The following KRAS variants were observed in gnomAD, a reference collection of about 807,000 sequenced individuals.
KRAS encodes the protein KRas proto-oncogene, GTPase, also known as GTPase KRas.
A neutral mutation model predicts 21.0 loss-of-function variants in KRAS; 1 was observed. That is an observed-to-expected ratio of 0.05 (90% CI 0.02 to 0.23). The LOEUF (loss-of-function observed/expected upper bound fraction) is 0.23. Among genes scored for constraint, KRAS ranks in the 10% least tolerant of loss-of-function variants. The probability of loss-of-function intolerance (pLI) is 1.00; values close to 1 mark genes in which losing one functional copy is unlikely to be tolerated. For synonymous variants in KRAS, 67 were observed against 72.5 expected, an observed-to-expected ratio of 0.92 and a Z score of 0.39; for missense variants, 107 against 221.8, an observed-to-expected ratio of 0.48 and a Z score of 3.29.
At chr12:25,249,123 A>T (rs1951728217) in intron 1 of KRAS, among the ~76,000 whole-genome samples, 1 of 152,040 alleles carries the variant, frequency 6.6e-6, no homozygotes, top group South Asian at 2.1e-4. Flanking sequence ...AAGAAGGCTT[A>T]GACTTCAGCT....
At chr12:25,236,029 A>T (rs985216602) in intron 2 of KRAS, among the ~76,000 whole-genome samples, 2 of 152,084 alleles carry the variant, frequency 1.3e-5, no homozygotes, top group Non-Finnish European at 2.9e-5. Context: ...CCGGCTGTGC[A>T]GCCCAGTTCC....
intron 2 of KRAS, chr12:25,234,391 C>A (rs1005921728): frequency 1.1e-5 from 2 of 181,398 alleles, no homozygotes; most frequent in Admixed American, 6.3e-5. Context: ...TTGGTACACA[C>A]ATGAGGTTCA....
At chr12:25,246,073 T>C (rs1032128307) in intron 1 of KRAS, among the ~76,000 whole-genome samples, 4 of 137,650 alleles carry the variant, frequency 2.9e-5, no homozygotes, top group African/African-American at 8.4e-5. Flanking sequence ...CTGGGGAAAA[T>C]AGGAGTCCGA....
chr12:25,231,480 AAAG>A (rs1326605715), intron 2 of KRAS, among the ~76,000 whole-genome samples: 1 of 152,178 alleles, frequency 6.6e-6, no homozygotes, highest in Non-Finnish European at 1.5e-5. Context: ...CATTTCAGAT[AAAG>A]AATAGTCAAC....
chr12:25,232,201 T>C (rs1469207017), intron 2 of KRAS, among the ~76,000 whole-genome samples: 2 of 152,172 alleles, frequency 1.3e-5, no homozygotes, highest in African/African-American at 4.8e-5. Context: ...TTTCAAAAAA[T>C]TTAGAGTCTA....
Position 25,209,245 on chromosome 12 carries a change from G to A in KRAS, c.*550C>T, listed in dbSNP as rs566222739. On this transcript the variant is annotated 3_prime_UTR_variant, in exon 5 of 5. Coordinates refer to ENST00000311936, the MANE Select transcript of KRAS (RefSeq NM_004985.5). ...TGACCATGACTAATAGCAGTGGAAAGGAGACAAAACCTTTGTGAACAGTGT... is the reference window on the plus strand; with the variant it reads ...TGACCATGACTAATAGCAGTGGAAAAGAGACAAAACCTTTGTGAACAGTGT... 377 of 683,426 alleles carry A rather than the reference G, an allele frequency of 5.5e-4. 4 individuals carry two copies. The South Asian group carries it at 5.7e-3, about 10-fold the overall frequency. The allele number at this position is 683,426 out of a possible 1,614,324, so 42.3% of individuals were successfully genotyped here. A position where few individuals can be genotyped will look rare whatever the true frequency, so the allele number is the denominator to read the frequency against.
intron 2 of KRAS, among the ~76,000 whole-genome samples, chr12:25,233,302 A>G (rs942823808): frequency 9.2e-5 from 14 of 152,102 alleles, no homozygotes; most frequent in Admixed American, 6.6e-5. Context: ...TATAATCCCA[A>G]CACCTTGGGA....
In KRAS at chr12:25,216,395, CT is replaced by C. The variant is rs565424934; in HGVS notation, c.451-6485del. On this transcript the variant is annotated intron_variant, in intron 4 of 4. Transcript: ENST00000311936. ...GGCTAGGTGATCCCCCTGCCTCAGC[CT>C]CTCAAATAGCTGGGACTACAGGCAA... 5.9e-5 allele frequency among the ~76,000 whole-genome samples: 9 copies of C among 152,312 alleles called. No individual in the cohort carries two copies. The South Asian group carries it at 1.9e-3, about 32-fold the overall frequency.
intron 4 of KRAS, among the ~76,000 whole-genome samples, chr12:25,223,035 C>A (rs933541015): frequency 2.0e-5 from 3 of 152,074 alleles, no homozygotes; most frequent in African/African-American, 2.4e-5. Context: ...CCTAAACCTT[C>A]TGAATTAGAA....
chr12:25,227,859 A>C (rs1951412629), intron 2 of KRAS, among the ~76,000 whole-genome samples: 1 of 152,162 alleles, frequency 6.6e-6, no homozygotes, highest in African/African-American at 2.4e-5. Flanking sequence ...ATATAACCAA[A>C]ATAACTAAAA....
intron 1 of KRAS, among the ~76,000 whole-genome samples, chr12:25,246,965 G>A (rs933107843): frequency 2.0e-5 from 3 of 151,650 alleles, no homozygotes; most frequent in African/African-American, 7.3e-5. Flanking sequence ...AGTAATCCAT[G>A]TGACTGTTAC....
chr12:25,234,884 C>G (rs1951524903), intron 2 of KRAS: 2 of 229,100 alleles, frequency 8.7e-6, no homozygotes, highest in Non-Finnish European at 8.6e-6. Context: ...ACAATATATA[C>G]ATTCCAAGTA....
Position 25,250,882 on chromosome 12 carries a change from G to A in KRAS, c.-143C>T. The A allele has an allele frequency of 4.0e-6, 1 of 247,286 alleles. No homozygotes were observed. The highest frequency in any genetic ancestry group is 7.6e-6 in the Non-Finnish European group (1 of 130,872). 15.3% of individuals were successfully genotyped at this position (247,286 alleles called of 1,614,324 possible). ...CCGAGCCGCCGCCACCTTCGCCGCC[G>A]CCACTGCCGCCGCCGCTGCTGCCTC... On this transcript the variant is annotated 5_prime_UTR_variant, in exon 1 of 5. Transcript: ENST00000311936.
At chr12:25,240,479 T>C (rs1182759298) in intron 2 of KRAS, among the ~76,000 whole-genome samples, 1 of 152,234 alleles carries the variant, frequency 6.6e-6, no homozygotes, top group Non-Finnish European at 1.5e-5. Context: ...CCCACATGAA[T>C]GAACTGATGT....
At chr12:25,249,165 G>A (rs1002433270) in intron 1 of KRAS, among the ~76,000 whole-genome samples, 8 of 152,184 alleles carry the variant, frequency 5.3e-5, no homozygotes, top group Admixed American at 2.6e-4. Context: ...GGGAGGCCGA[G>A]GCGGGCAGAT....
At chr12:25,209,958 C>T in intron 4 of KRAS, 47 bp from the exon 5 acceptor site, 1 of 1,434,468 alleles carries the variant, frequency 7.0e-7, no homozygotes, top group Non-Finnish European at 9.6e-7. Flanking sequence ...ACGATGGCTT[C>T]ATGTGTACAG....
chr12:25,225,547 A>G, intron 4 of KRAS, 67 bp downstream of exon 4: 2 of 1,458,492 alleles, frequency 1.4e-6, no homozygotes, highest in Non-Finnish European at 1.9e-6. Flanking sequence ...AAAAACTGAT[A>G]TATTAAATGA....
intron 1 of KRAS, among the ~76,000 whole-genome samples, chr12:25,246,756 A>G (rs1420128515): frequency 1.3e-5 from 2 of 151,650 alleles, no homozygotes; most frequent in Non-Finnish European, 2.9e-5. Flanking sequence ...CTCTACTAAA[A>G]ATATAAAAAA....
chr12:25,224,072 C>T (rs893770895), intron 4 of KRAS, among the ~76,000 whole-genome samples: 4 of 149,552 alleles, frequency 2.7e-5, no homozygotes, highest in African/African-American at 7.4e-5. Context: ...TAGTACGACA[C>T]ATTGCTCACG....
Sources: gnomAD v4.1 joint callset for allele counts (sites outside exome capture counted in the v4.1 genomes callset) on GRCh38, gnomAD v4.1.1 for gene constraint, MANE v1.5 for transcripts, NCBI Gene and HGNC (gene_info 2026-07-23, HGNC 2026-07-21) for gene names.